Variants in PAX5 observed in about 807,000 individuals in gnomAD.
PAX5 encodes the protein paired box protein Pax-5.
PAX5 carries 9 observed loss-of-function variants against 43.7 expected under a neutral mutation model. The observed-to-expected ratio is 0.21, with a 90% CI of 0.12 to 0.36. The LOEUF is 0.36. PAX5 is among the 10% of genes least tolerant of loss of function. PAX5 has a pLI of 1.00. For missense variants in PAX5, 383 were observed against 532.7 expected (o/e 0.72, Z 2.77); for synonymous variants, 228 against 214.3 (o/e 1.06, Z -0.56).
intron 6 of PAX5, among the ~76,000 whole-genome samples, chr9:36,937,534 G>A (rs991050205): frequency 1.2e-4 from 19 of 152,180 alleles, no homozygotes; most frequent in African/African-American, 3.9e-4. Context: ...GCTCCACGAT[G>A]TGCCGGAGCC....
At position 36,882,323 on chromosome 9, in the gene PAX5, C is replaced by T. The variant is rs977309665; in HGVS notation, c.911-218G>A. Among the ~76,000 whole-genome samples the T allele has an allele frequency of 6.6e-6, 1 of 152,230 alleles. No individual in the cohort carries two copies. Among genetic ancestry groups the T allele is most frequent in the South Asian group, 2.1e-4 (1 of 4,816 alleles). ...ATGCACACACATCTCCAGCCACCCT[C>T]GCTCCACTCAGCAAGAACAGAGTCA... On this transcript the variant is annotated intron_variant, in intron 7 of 9. Transcript: ENST00000358127. The surrounding 1 kb of genome is among the most constrained non-coding windows in gnomAD (Gnocchi z 4.4).
chr9:36,937,832 C>T (rs1295642709), intron 6 of PAX5, among the ~76,000 whole-genome samples: 1 of 152,234 alleles, frequency 6.6e-6, no homozygotes, highest in Non-Finnish European at 1.5e-5. Flanking sequence ...CAGAGGACAG[C>T]AGGGCTCCCA....
At chr9:36,967,130 T>G in intron 5 of PAX5, among the ~76,000 whole-genome samples, 1 of 152,174 alleles carries the variant, frequency 6.6e-6, no homozygotes, top group South Asian at 2.1e-4. Flanking sequence ...CTAAAGACCT[T>G]CCCGGGAGGT....
At chr9:36,846,451 G>A (rs535916219) in intron 9 of PAX5, among the ~76,000 whole-genome samples, 16 of 152,172 alleles carry the variant, frequency 1.1e-4, no homozygotes, top group Non-Finnish European at 2.4e-4. Flanking sequence ...ACTACCAATC[G>A]ATTCAAGTTG....
chr9:37,026,577 G>A (rs761947907), intron 1 of PAX5: 3 of 1,344,398 alleles, frequency 2.2e-6, no homozygotes, highest in Non-Finnish European at 2.9e-6. Context: ...TATTTCCATC[G>A]GGGCGCTCCA....
At chr9:37,023,344 G>A (rs112903659) in intron 1 of PAX5, among the ~76,000 whole-genome samples, 142 of 152,346 alleles carry the variant, frequency 9.3e-4, no homozygotes, top group African/African-American at 3.4e-3. Flanking sequence ...TGGGGTGCCA[G>A]CTCTGGCCCT....
chr9:36,995,554 G>A (rs545000849), intron 5 of PAX5, among the ~76,000 whole-genome samples: 6 of 152,222 alleles, frequency 3.9e-5, no homozygotes, highest in South Asian at 2.1e-4. Flanking sequence ...GGCCCTGTGA[G>A]AATGGAGGAA....
chr9:37,017,434 T>G (rs1171289692), intron 2 of PAX5, among the ~76,000 whole-genome samples: 1 of 152,194 alleles, frequency 6.6e-6, no homozygotes, highest in Non-Finnish European at 1.5e-5. Context: ...TAAATAATAA[T>G]AAGAATAATG....
intron 5 of PAX5, among the ~76,000 whole-genome samples, chr9:36,999,115 G>GTTTTGA (rs1349175745): frequency 3.9e-5 from 6 of 152,108 alleles, no homozygotes; most frequent in African/African-American, 1.2e-4. Context: ...CTCCCTAAAT[G>GTTTTGA]CTTCTAGACT....
At chr9:37,032,049 G>A (rs1263916556) in intron 1 of PAX5, among the ~76,000 whole-genome samples, 2 of 152,084 alleles carry the variant, frequency 1.3e-5, no homozygotes, top group African/African-American at 2.4e-5. Context: ...AGTCTCACTT[G>A]AACTGTCGCC....
chr9:36,862,144 C>A (rs755484187), intron 8 of PAX5, among the ~76,000 whole-genome samples: 18 of 152,110 alleles, frequency 1.2e-4, no homozygotes, highest in Non-Finnish European at 2.2e-4. Context: ...GATCTTGGGC[C>A]TCTCTACCTC....
chr9:36,899,918 T>C (rs1216781043), intron 7 of PAX5, among the ~76,000 whole-genome samples: 1 of 152,210 alleles, frequency 6.6e-6, no homozygotes, highest in Non-Finnish European at 1.5e-5. Flanking sequence ...GCAGATTCCC[T>C]TGGGCTTTCA....
chr9:36,972,267 ATGGCAGGGCCG>A (rs970376536), intron 5 of PAX5, among the ~76,000 whole-genome samples: 2 of 152,180 alleles, frequency 1.3e-5, no homozygotes, highest in Non-Finnish European at 2.9e-5. Flanking sequence ...GCTCCTTAGC[ATGGCAGGGCCG>A]TGGCAGGGCC....
intron 1 of PAX5, among the ~76,000 whole-genome samples, chr9:37,030,055 A>G (rs1489091989): frequency 6.6e-6 from 1 of 152,220 alleles, no homozygotes; most frequent in Non-Finnish European, 1.5e-5. Context: ...AGGCTTGCAT[A>G]GAATCCCCGG....
At chr9:37,000,345 C>T (rs1194343141) in intron 5 of PAX5, among the ~76,000 whole-genome samples, 1 of 152,170 alleles carries the variant, frequency 6.6e-6, no homozygotes, top group Non-Finnish European at 1.5e-5. Flanking sequence ...CTCCTATAAG[C>T]TTCCAGGACC....
At chr9:37,033,862 G>C in intron 1 of PAX5, 124 bp downstream of exon 1, 1 of 740,926 alleles carries the variant, frequency 1.3e-6, no homozygotes, top group Non-Finnish European at 2.4e-6. Context: ...CAAACACGCC[G>C]CAGTTAGACA....
chr9:37,008,480 T>A (rs1480383705), intron 3 of PAX5, among the ~76,000 whole-genome samples: 1 of 152,234 alleles, frequency 6.6e-6, no homozygotes, highest in African/African-American at 2.4e-5. Context: ...CTTATACAAA[T>A]GAAGAATGAC....
intron 5 of PAX5, among the ~76,000 whole-genome samples, chr9:36,989,650 TG>T (rs756644298): frequency 9.4e-4 from 143 of 152,308 alleles, no homozygotes; most frequent in Non-Finnish European, 1.5e-3. Flanking sequence ...CATGTGTGCA[TG>T]TAGATCACGA....
At chr9:36,862,192 C>T (rs999430610) in intron 8 of PAX5, among the ~76,000 whole-genome samples, 2 of 152,156 alleles carry the variant, frequency 1.3e-5, no homozygotes, top group African/African-American at 2.4e-5. Context: ...AAATGGGTCC[C>T]TACGGGGTTG....
Sources: allele counts gnomAD v4.1 joint callset (sites outside exome capture counted in the v4.1 genomes callset), GRCh38; gene constraint gnomAD v4.1.1; non-coding constraint Gnocchi (gnomAD v3.1); transcripts MANE v1.5; gene names NCBI Gene and HGNC (gene_info 2026-07-23, HGNC 2026-07-21).